WASF3: variants seen among roughly 807,000 people sequenced by gnomAD.
The protein encoded by WASF3 is WASP family member 3, also known as actin-binding protein WASF3.
A neutral mutation model predicts 46.6 loss-of-function variants in WASF3; 11 were observed. The observed-to-expected ratio is 0.24, with a 90% CI of 0.15 to 0.39. WASF3 has a LOEUF of 0.39. Ranked by LOEUF, WASF3 falls within the 10% of genes least tolerant of loss-of-function variation. WASF3 has a pLI of 1.00. For missense variants in WASF3, 576 were observed against 669.8 expected (o/e 0.86, Z 1.55); for synonymous variants, 242 against 259.7 (o/e 0.93, Z 0.65).
chr13:26,576,891 T>C, intron 1 of WASF3: 1 of 745,084 alleles, frequency 1.3e-6, no homozygotes, highest in East Asian at 2.9e-5. Context: ...GCACCATGGC[T>C]GTTGGCAAGA....
At chr13:26,602,532 A>T (rs1880671879) in intron 1 of WASF3, among the ~76,000 whole-genome samples, 1 of 152,282 alleles carries the variant, frequency 6.6e-6, no homozygotes. Flanking sequence ...GAATGTAGAC[A>T]TGTTGTAAAA....
intron 3 of WASF3, among the ~76,000 whole-genome samples, chr13:26,663,536 G>A (rs949554617): frequency 6.6e-6 from 1 of 152,222 alleles, no homozygotes; most frequent in African/African-American, 2.4e-5. Flanking sequence ...GCAATTTAAT[G>A]CTTAGCTGAA....
chr13:26,666,574 C>CTAGTCT (rs1302099466), intron 4 of WASF3, among the ~76,000 whole-genome samples: 1 of 152,042 alleles, frequency 6.6e-6, no homozygotes, highest in Non-Finnish European at 1.5e-5. Context: ...GGTTAATAGC[C>CTAGTCT]TAGTCTGTCC....
At chr13:26,676,412 A>G (rs1226796143) in intron 6 of WASF3, 137 bp from the exon 7 acceptor site, 11 of 892,546 alleles carry the variant, frequency 1.2e-5, no homozygotes, top group African/African-American at 1.7e-5. Flanking sequence ...GAGTTTCTGT[A>G]ACATTAGGGT....
intron 1 of WASF3, among the ~76,000 whole-genome samples, chr13:26,599,909 G>GGGCAAAGAGATACCTTCTGAGGAGTC: frequency 6.6e-6 from 1 of 152,248 alleles, no homozygotes; most frequent in East Asian, 1.9e-4. Context: ...TTTCCAAAAG[G>GGGCAAAGAGATACCTTCTGAGGAGTC]CATCATTTCT....
At chr13:26,631,905 T>G (rs1310297184) in intron 2 of WASF3, among the ~76,000 whole-genome samples, 1 of 152,214 alleles carries the variant, frequency 6.6e-6, no homozygotes, top group Non-Finnish European at 1.5e-5. Flanking sequence ...GTAAGTTGGA[T>G]TCCTAGGTAT....
At chr13:26,587,135 T>G (rs1393793620) in intron 1 of WASF3, among the ~76,000 whole-genome samples, 1 of 140,234 alleles carries the variant, frequency 7.1e-6, no homozygotes, top group Non-Finnish European at 1.6e-5. Context: ...GGAAGAAGAA[T>G]CCTCAGTTTT....
chr13:26,685,656 A>G, intron 9 of WASF3, 32 bp from the exon 10 acceptor site: 2 of 1,602,792 alleles, frequency 1.2e-6, no homozygotes, highest in Non-Finnish European at 1.7e-6. Context: ...CAGCAAAAGG[A>G]TGTGATTCTG....
At chr13:26,605,806 A>AT (rs1394675899) in intron 1 of WASF3, among the ~76,000 whole-genome samples, 3 of 152,168 alleles carry the variant, frequency 2.0e-5, no homozygotes, top group Non-Finnish European at 1.5e-5. Context: ...CAACCTCTAA[A>AT]TTTTTTTATT....
intron 2 of WASF3, among the ~76,000 whole-genome samples, chr13:26,632,713 T>C (rs903383592): frequency 6.6e-6 from 1 of 152,222 alleles, no homozygotes; most frequent in Non-Finnish European, 1.5e-5. Context: ...GATTCCCTCT[T>C]TTTCTGTCGA....
Position 26,624,466 on chromosome 13 carries a change from A to G in WASF3, c.-11+11408A>G, listed in dbSNP as rs1006613779. On this transcript the variant is annotated intron_variant, in intron 2 of 9. Coordinates refer to ENST00000335327, the MANE Select transcript of WASF3 (RefSeq NM_006646.6). ...ACCGAGCATCTAAGAACTATGGAAC[A>G]GTATCAGTAGTCTAACACACATGTA... is the stretch of plus-strand genomic sequence containing the variant. 4.6e-5 allele frequency among the ~76,000 whole-genome samples: 7 copies of G among 152,196 alleles called. 1 individual carries two copies. The highest frequency in any genetic ancestry group is 3.9e-4 in the Admixed American group (6 of 15,278).
At chr13:26,638,234 T>C (rs902815859) in intron 2 of WASF3, 15 of 152,190 alleles carry the variant, frequency 9.9e-5, no homozygotes, top group African/African-American at 3.6e-4. Flanking sequence ...TCCATTTCCA[T>C]AGTTGAAGAC....
At chr13:26,645,642 A>G (rs931399590) in intron 3 of WASF3, among the ~76,000 whole-genome samples, 1 of 152,146 alleles carries the variant, frequency 6.6e-6, no homozygotes, top group Non-Finnish European at 1.5e-5. Context: ...TTAATCTACT[A>G]TTCTTTTACA....
At chr13:26,572,598 C>G (rs1879671948) in intron 1 of WASF3, among the ~76,000 whole-genome samples, 1 of 152,058 alleles carries the variant, frequency 6.6e-6, no homozygotes, top group African/African-American at 2.4e-5. Flanking sequence ...TGGAGTTTTG[C>G]TCTGTCGCCC....
chr13:26,648,851 C>G (rs1042516169), intron 3 of WASF3, among the ~76,000 whole-genome samples: 1 of 152,102 alleles, frequency 6.6e-6, no homozygotes, highest in East Asian at 1.9e-4. Context: ...GCCCCACCAC[C>G]CCGACAAAAG....
chr13:26,588,868 G>A (rs1855037284), intron 1 of WASF3, among the ~76,000 whole-genome samples: 1 of 152,044 alleles, frequency 6.6e-6, no homozygotes, highest in South Asian at 2.1e-4. Flanking sequence ...CATGATTATG[G>A]CTCACTGCAG....
chr13:26,621,965 C>T (rs182092750), intron 2 of WASF3, among the ~76,000 whole-genome samples: 33 of 152,220 alleles, frequency 2.2e-4, no homozygotes, highest in African/African-American at 7.7e-4. Context: ...GGGCTTGGGC[C>T]AGCATTGTGT....
Position 26,642,329 on chromosome 13 carries a change from A to C in WASF3, c.59A>C (p.Glu20Ala), listed in dbSNP as rs765996441. 1.4e-5 allele frequency: 23 copies of C among 1,611,638 alleles called. No homozygotes were observed. In the East Asian group the frequency reaches 5.1e-4, roughly 36 times the overall value. The change falls in exon 3 of 10, where the codon GAA becomes GCA. Residue 20 changes from glutamate (E) to alanine (A), a missense_variant. Around this residue, in one of 3 missense-constraint regions of WASF3, gnomAD observed 213 missense variants for 278.0 expected, o/e 0.77. Transcript: ENST00000335327. ...PRHLCRGALPEGITSELECVT... is the reference protein window; with the variant it reads ...PRHLCRGALPAGITSELECVT... Reference sequence around the variant, plus strand: ...CACTTGTGCCGGGGAGCTCTGCCTGAAGGGATTACCAGCGAACTTGAATGT... The same window carrying C: ...CACTTGTGCCGGGGAGCTCTGCCTGCAGGGATTACCAGCGAACTTGAATGT...
At chr13:26,685,065 G>A (rs1435425536) in intron 9 of WASF3, among the ~76,000 whole-genome samples, 1 of 145,536 alleles carries the variant, frequency 6.9e-6, no homozygotes, top group African/African-American at 2.6e-5. Flanking sequence ...TCCAGCCTGG[G>A]TCACAGAGTG....
Sources: gnomAD v4.1 joint callset for allele counts (sites outside exome capture counted in the v4.1 genomes callset) on GRCh38, gnomAD v4.1.1 for gene constraint, gnomAD v4.1.1 regional missense constraint, MANE v1.5 for transcripts, NCBI Gene and HGNC (gene_info 2026-07-23, HGNC 2026-07-21) for gene names.